The following PKHD1 variants were observed in gnomAD, a reference collection of about 807,000 sequenced individuals.
The protein encoded by PKHD1 is fibrocystin.
PKHD1 carries 291 observed loss-of-function variants against 412.0 expected under a neutral mutation model. That is an observed-to-expected ratio of 0.71 (90% CI 0.64 to 0.78). PKHD1 has a LOEUF of 0.78. PKHD1 is among the 30% of genes least tolerant of loss of function. The pLI is 0.00. For missense variants in PKHD1, 4,825 were observed against 4,950.7 expected (o/e 0.97, Z 0.76); for synonymous variants, 1,777 against 1,821.5 (o/e 0.98, Z 0.62).
chr6:52,062,571 G>A lies in PKHD1; in HGVS notation c.1066C>T (p.Pro356Ser). The A allele has an allele frequency of 1.9e-6, 3 of 1,614,056 alleles. No homozygotes were observed. Among genetic ancestry groups the A allele is most frequent in the Non-Finnish European group, 2.5e-6 (3 of 1,179,970 alleles). Residue 356 changes from proline to serine, a missense_variant, in exon 14 of 67, where the codon CCT becomes TCT. By Grantham distance (74) the Pro-to-Ser change is moderately conservative. Coordinates refer to ENST00000371117, the MANE Select transcript of PKHD1 (RefSeq NM_138694.4). Reference protein sequence around the residue: ...ATPGYRWQIVPNASSPFGFWS... With the variant: ...ATPGYRWQIVSNASSPFGFWS... The stretch of plus-strand genomic sequence containing the variant: ...AACCCAAATGGAGAACTGGCATTAG[G>A]GACAATCTGCCACCTGTACCCTGGG...
intron 35 of PKHD1, among the ~76,000 whole-genome samples, chr6:51,960,969 G>T (rs556372968): frequency 6.6e-6 from 1 of 152,062 alleles, no homozygotes; most frequent in African/African-American, 2.4e-5. Context: ...GTATAATTAC[G>T]ATAAACATAA....
At chr6:51,722,877 C>T (rs916610470) in intron 60 of PKHD1, among the ~76,000 whole-genome samples, 7 of 152,150 alleles carry the variant, frequency 4.6e-5, no homozygotes, top group Non-Finnish European at 1.0e-4. Context: ...GAAAAAAACA[C>T]AGGACCTCTG....
At chr6:51,753,714 T>C (rs139938641) in intron 56 of PKHD1, among the ~76,000 whole-genome samples, 310 of 152,310 alleles carry the variant, frequency 2.0e-3, no homozygotes, top group African/African-American at 7.2e-3. Flanking sequence ...TGTTGGGTTG[T>C]ACATTGTCCG....
intron 52 of PKHD1, among the ~76,000 whole-genome samples, chr6:51,828,057 AG>A (rs1020804000): frequency 1.3e-5 from 2 of 152,114 alleles, no homozygotes; most frequent in Non-Finnish European, 2.9e-5. Context: ...AACAAATAAT[AG>A]TTTTTTATTT....
At chr6:51,717,369 G>A (rs1404807761) in intron 60 of PKHD1, among the ~76,000 whole-genome samples, 5 of 151,488 alleles carry the variant, frequency 3.3e-5, no homozygotes, top group African/African-American at 1.2e-4. Flanking sequence ...CTGAGATCAT[G>A]CCACTGCATT....
At chr6:51,914,212 C>A (rs1386393684) in intron 37 of PKHD1, among the ~76,000 whole-genome samples, 3 of 152,106 alleles carry the variant, frequency 2.0e-5, no homozygotes, top group Non-Finnish European at 4.4e-5. Context: ...AAAGGTCTAG[C>A]TCAACTAGTT....
intron 48 of PKHD1, 21 bp from the exon 49 acceptor site, chr6:51,856,091 A>G (rs753711166): frequency 6.9e-7 from 1 of 1,449,202 alleles, no homozygotes; most frequent in Admixed American, 1.7e-5. Context: ...TTTAAAAGGA[A>G]AAAAAATGGG....
In PKHD1 at chr6:51,638,864, CA is replaced by C; in HGVS notation, c.11490del (p.Val3831SerfsTer21). The C allele has an allele frequency of 6.3e-7, 1 of 1,588,562 alleles. No homozygotes were observed. Among genetic ancestry groups the C allele is most frequent in the Non-Finnish European group, 8.6e-7 (1 of 1,159,760 alleles). On this transcript the variant is annotated frameshift_variant, in exon 64 of 67. Coordinates refer to ENST00000371117, the MANE Select transcript of PKHD1 (RefSeq NM_138694.4). LOFTEE classifies it high-confidence loss of function. Reference protein sequence around the residue: ...ISGSNWHFIFTVTSPPGVNFT... With the variant: ...ISGSNWHFIFXVTSPPGVNFT... The stretch of plus-strand genomic sequence containing the variant: ...ATAAAATTACCTGGAGGAGAAGTGA[CA>C]GTAAAAATAAAGTGCCAGTTTGACC...
At chr6:51,983,306 T>C (rs1205682480) in intron 35 of PKHD1, among the ~76,000 whole-genome samples, 1 of 152,142 alleles carries the variant, frequency 6.6e-6, no homozygotes, top group African/African-American at 2.4e-5. Context: ...ATCTGAAACA[T>C]CATTATTGTG....
chr6:52,033,215 A>T (rs1171657621), intron 28 of PKHD1, 50 bp from the exon 29 acceptor site: 5 of 1,457,114 alleles, frequency 3.4e-6, no homozygotes, highest in Non-Finnish European at 4.8e-6. Context: ...TTAAAGTAGG[A>T]CTGACTTAAG....
intron 52 of PKHD1, among the ~76,000 whole-genome samples, chr6:51,818,358 A>C (rs1282959318): frequency 6.6e-6 from 1 of 152,208 alleles, no homozygotes; most frequent in Admixed American, 6.5e-5. Flanking sequence ...TCATCTGTGT[A>C]TATCACCATG....
intron 29 of PKHD1, among the ~76,000 whole-genome samples, chr6:52,029,489 G>C (rs1447510558): frequency 6.6e-6 from 1 of 152,166 alleles, no homozygotes; most frequent in Non-Finnish European, 1.5e-5. Flanking sequence ...TACTACAAGA[G>C]AGGTGGAAAT....
intron 2 of PKHD1, 136 bp from the exon 3 acceptor site, chr6:52,083,391 T>C: frequency 1.4e-6 from 1 of 709,262 alleles, no homozygotes. Flanking sequence ...TTGCACCACA[T>C]CCCCAGAGTT....
At chr6:52,026,223 T>C in intron 31 of PKHD1, 42 bp from the exon 32 acceptor site, 1 of 1,573,456 alleles carries the variant, frequency 6.4e-7, no homozygotes, top group East Asian at 2.2e-5. Context: ...TAGCTGATAT[T>C]CTGAACTAAG....
chr6:52,045,972 A>G, intron 24 of PKHD1, 32 bp downstream of exon 24: 1 of 1,490,722 alleles, frequency 6.7e-7, no homozygotes, highest in South Asian at 1.1e-5. Flanking sequence ...AGGGCAGCAA[A>G]TCCATGCCAC....
At chr6:51,786,983 G>A (rs546193890) in intron 53 of PKHD1, among the ~76,000 whole-genome samples, 1 of 152,274 alleles carries the variant, frequency 6.6e-6, no homozygotes, top group Non-Finnish European at 1.5e-5. Context: ...CTTTGATCTT[G>A]AGCTTCCTTT....
intron 8 of PKHD1, among the ~76,000 whole-genome samples, chr6:52,071,785 G>T (rs1582098857): frequency 6.6e-6 from 1 of 152,062 alleles, no homozygotes; most frequent in East Asian, 1.9e-4. Context: ...TCTATAATGT[G>T]AGACTAATAA....
At chr6:51,646,323 GAGAGGAAACCCCT>G (rs1362657727) in intron 63 of PKHD1, among the ~76,000 whole-genome samples, 2 of 152,180 alleles carry the variant, frequency 1.3e-5, no homozygotes, top group African/African-American at 4.8e-5. Flanking sequence ...CCCTTGTGCA[GAGAGGAAACCCCT>G]ATGCATGAAG....
chr6:51,936,190 T>G (rs1165129112), intron 36 of PKHD1, among the ~76,000 whole-genome samples: 1 of 152,208 alleles, frequency 6.6e-6, no homozygotes, highest in Non-Finnish European at 1.5e-5. Context: ...AATGGACATA[T>G]CTTTTTGGAG....
Sources: allele counts gnomAD v4.1 joint callset (sites outside exome capture counted in the v4.1 genomes callset), GRCh38; gene constraint gnomAD v4.1.1; transcripts MANE v1.5; gene names NCBI Gene and HGNC (gene_info 2026-07-23, HGNC 2026-07-21).